The following ELP4 variants were observed in gnomAD, a reference collection of about 807,000 sequenced individuals.
ELP4 encodes the protein elongator complex protein 4.
A neutral mutation model predicts 48.9 loss-of-function variants in ELP4; 51 were observed. That is an observed-to-expected ratio of 1.04 (90% confidence interval 0.83 to 1.32). The LOEUF (loss-of-function observed/expected upper bound fraction) is 1.32, where lower values mean the gene tolerates loss of function less well. Among genes scored for constraint, ELP4 ranks in the 40% most tolerant of loss-of-function variants. ELP4 has a pLI of 0.00. For synonymous variants in ELP4, 210 were observed against 189.2 expected (o/e 1.11, Z -0.90); for missense variants, 519 against 514.6 (o/e 1.01, Z -0.08).
intron 4 of ELP4, 118 bp from the exon 5 acceptor site, chr11:31,603,650 C>T (rs745638917): frequency 1.1e-4 from 108 of 989,028 alleles, no homozygotes; most frequent in African/African-American, 1.8e-4. Context: ...TATGTATATC[C>T]GTTCTTCCTT....
chr11:31,733,839 T>G (rs1947247338), intron 9 of ELP4, among the ~76,000 whole-genome samples: 1 of 151,904 alleles, frequency 6.6e-6, no homozygotes, highest in Non-Finnish European at 1.5e-5. Flanking sequence ...AATTGAAGAG[T>G]AGGGAACACA....
chr11:31,636,118 G>C (rs1490151302), intron 7 of ELP4, among the ~76,000 whole-genome samples: 1 of 151,994 alleles, frequency 6.6e-6, no homozygotes, highest in African/African-American at 2.4e-5. Flanking sequence ...TGCAGGCACT[G>C]TTCTAGGCAC....
intron 9 of ELP4, among the ~76,000 whole-genome samples, chr11:31,769,977 G>C (rs1429185838): frequency 1.3e-5 from 2 of 152,088 alleles, no homozygotes; most frequent in Admixed American, 1.3e-4. Context: ...CACTTATCTT[G>C]GGTAGGAAAG....
chr11:31,511,186 G>A (rs1955995171), intron 1 of ELP4: 1 of 152,078 alleles, frequency 6.6e-6, no homozygotes, highest in South Asian at 2.1e-4. Flanking sequence ...TTCCTCCTGA[G>A]TTGCATGGTA....
intron 9 of ELP4, among the ~76,000 whole-genome samples, chr11:31,677,914 T>A (rs997398250): frequency 6.6e-6 from 1 of 152,126 alleles, no homozygotes; most frequent in African/African-American, 2.4e-5. Flanking sequence ...ATTCTGTGGA[T>A]CTTGACAAAT....
At position 31,701,986 on chromosome 11, in the gene ELP4, T is replaced by A. The variant is rs187320412; in HGVS notation, c.1143+51765T>A. ...CAGTACGAAGCGAATAATATATTGA[T>A]GAATTATGTTTCTGACTGTCCTTTT... On this transcript the variant is annotated intron_variant, in intron 9 of 9. Coordinates refer to ENST00000640961, the MANE Select transcript of ELP4 (RefSeq NM_019040.5). Among the ~76,000 whole-genome samples, 10 of 152,276 alleles carry A rather than the reference T, an allele frequency of 6.6e-5. No homozygotes were observed. In the East Asian group the frequency reaches 7.7e-4, roughly 12 times the overall value.
intron 2 of ELP4, among the ~76,000 whole-genome samples, chr11:31,535,678 T>C (rs1244617868): frequency 6.6e-6 from 1 of 152,210 alleles, no homozygotes; most frequent in African/African-American, 2.4e-5. Flanking sequence ...TTTACGACTG[T>C]ATATACTCAT....
chr11:31,564,250 T>C (rs899273760), intron 3 of ELP4, among the ~76,000 whole-genome samples: 12 of 152,202 alleles, frequency 7.9e-5, no homozygotes, highest in Non-Finnish European at 5.9e-5. Context: ...CCCCAACATA[T>C]CATTTTCATT....
At chr11:31,540,778 G>A (rs1005404258) in intron 3 of ELP4, among the ~76,000 whole-genome samples, 2 of 152,186 alleles carry the variant, frequency 1.3e-5, no homozygotes, top group Non-Finnish European at 2.9e-5. Context: ...ACTGTAGATT[G>A]TTTGGTAATT....
chr11:31,529,042 A>G (rs879923020), intron 2 of ELP4, among the ~76,000 whole-genome samples: 82 of 148,844 alleles, frequency 5.5e-4, no homozygotes, highest in Non-Finnish European at 7.9e-4. Context: ...GGCTATGTGT[A>G]TATATATATA....
intron 3 of ELP4, among the ~76,000 whole-genome samples, chr11:31,553,557 A>G (rs554304039): frequency 6.6e-6 from 1 of 152,126 alleles, no homozygotes; most frequent in East Asian, 1.9e-4. Context: ...TGCAAATTGG[A>G]ATTACACCTA....
intron 9 of ELP4, chr11:31,653,960 G>A (rs1945376113): frequency 6.6e-6 from 1 of 151,626 alleles, no homozygotes; most frequent in African/African-American, 2.4e-5. Flanking sequence ...AAATATGGCT[G>A]CATGTTTGAT....
intron 9 of ELP4, among the ~76,000 whole-genome samples, chr11:31,756,753 T>G (rs764004806): frequency 9.2e-5 from 14 of 152,242 alleles, no homozygotes; most frequent in Non-Finnish European, 1.9e-4. Context: ...AAGTTTTCCC[T>G]GCTTTTCTCC....
At chr11:31,552,445 G>T (rs1234891213) in intron 3 of ELP4, among the ~76,000 whole-genome samples, 1 of 151,936 alleles carries the variant, frequency 6.6e-6, no homozygotes, top group Non-Finnish European at 1.5e-5. Flanking sequence ...TAGTCTATTG[G>T]AGATCTCAAA....
intron 9 of ELP4, among the ~76,000 whole-genome samples, chr11:31,720,464 G>A (rs557356109): frequency 6.6e-6 from 1 of 152,078 alleles, no homozygotes; most frequent in East Asian, 1.9e-4. Flanking sequence ...GCTGATGCAG[G>A]CATGCACTTC....
intron 3 of ELP4, among the ~76,000 whole-genome samples, chr11:31,577,391 T>C (rs998465725): frequency 6.6e-6 from 1 of 152,128 alleles, no homozygotes; most frequent in Non-Finnish European, 1.5e-5. Context: ...TCTGAAACTA[T>C]TCCAATCAAT....
chr11:31,675,869 G>GT (rs1365565859), intron 9 of ELP4, among the ~76,000 whole-genome samples: 1 of 152,030 alleles, frequency 6.6e-6, no homozygotes, highest in African/African-American at 2.4e-5. Flanking sequence ...AATTTAAACA[G>GT]TTTTTACCAC....
At chr11:31,623,748 G>T (rs1157227852) in intron 5 of ELP4, among the ~76,000 whole-genome samples, 1 of 150,576 alleles carries the variant, frequency 6.6e-6, no homozygotes, top group African/African-American at 2.4e-5. Flanking sequence ...TGCAAAAATG[G>T]TAACAATCAA....
intron 9 of ELP4, among the ~76,000 whole-genome samples, chr11:31,755,851 GA>G (rs1947822955): frequency 6.6e-6 from 1 of 151,160 alleles, no homozygotes; most frequent in African/African-American, 2.4e-5. Context: ...ATCCATCTTT[GA>G]TACCTCCCTT....
Sources: gnomAD v4.1 joint callset for allele counts (sites outside exome capture counted in the v4.1 genomes callset) on GRCh38, gnomAD v4.1.1 for gene constraint, MANE v1.5 for transcripts, NCBI Gene and HGNC (gene_info 2026-07-23, HGNC 2026-07-21) for gene names.